ATRAID: variants seen among roughly 807,000 people sequenced by gnomAD.
ATRAID encodes the protein all-trans retinoic acid induced differentiation factor.
In ATRAID, 26 loss-of-function variants were observed where a neutral mutation model predicts 28.8. The observed-to-expected ratio is 0.90, with a 90% CI of 0.66 to 1.25. The LOEUF (loss-of-function observed/expected upper bound fraction) is 1.25. Ranked by LOEUF, ATRAID falls within the 50% of genes most tolerant of loss-of-function variation. ATRAID has a pLI of 0.00. For missense variants in ATRAID, 308 were observed against 285.9 expected (o/e 1.08, Z -0.56); for synonymous variants, 131 against 108.5 (o/e 1.21, Z -1.29).
At chr2:27,216,666 G>T (rs1477176317) in intron 6 of ATRAID, 46 bp downstream of exon 6, 13 of 1,548,510 alleles carry the variant, frequency 8.4e-6, no homozygotes, top group Non-Finnish European at 1.1e-5. Context: ...AATGCATAGA[G>T]CAAGTCTTCT....
Position 27,212,978 on chromosome 2 carries a change from T to A in ATRAID, c.100-199T>A, listed in dbSNP as rs914518525. On this transcript the variant is annotated intron_variant, in intron 1 of 6. Coordinates refer to ENST00000380171, the MANE Select transcript of ATRAID (RefSeq NM_001170795.4). ...GGTACTGAAAGTGTCGGGAGCTGATTCGGCGCAGGACTCTGGAGGAAGAGA... is the reference window on the plus strand; with the variant it reads ...GGTACTGAAAGTGTCGGGAGCTGATACGGCGCAGGACTCTGGAGGAAGAGA... 5 of 627,900 alleles carry A rather than the reference T, an allele frequency of 8.0e-6. No individual in the cohort carries two copies. The African/African-American group carries it at 9.2e-5, about 12-fold the overall frequency. 38.9% of individuals were successfully genotyped at this position (627,900 alleles called of 1,614,324 possible). A position where few individuals can be genotyped will look rare whatever the true frequency, so the allele number is the denominator to read the frequency against.
At chr2:27,213,388 A>C (rs1674689155) in intron 2 of ATRAID, 90 bp downstream of exon 2, 2 of 1,478,194 alleles carry the variant, frequency 1.4e-6, no homozygotes. Flanking sequence ...GAATCCACCT[A>C]TTATGGTTTC....
chr2:27,215,268 T>A, intron 2 of ATRAID, 53 bp from the exon 3 acceptor site: 1 of 1,567,322 alleles, frequency 6.4e-7, no homozygotes, highest in African/African-American at 1.4e-5. Context: ...AACTGTGCCG[T>A]GGCTGAAGAA....
At position 27,212,347 on chromosome 2, in the gene ATRAID, C is replaced by A; in HGVS notation, c.-22C>A. 6.5e-7 allele frequency: 1 copy of A among 1,549,982 alleles called. No individual in the cohort carries two copies. Among genetic ancestry groups the A allele is most frequent in the Non-Finnish European group, 8.7e-7 (1 of 1,146,596 alleles). On this transcript the variant is annotated 5_prime_UTR_variant, in exon 1 of 7. Transcript: ENST00000380171. ...CCGCGGGGCCGGGTCGCGCGAGCAGCGGAGCACCAAGGGAACGGAAAATGG... is the reference window on the plus strand; with the variant it reads ...CCGCGGGGCCGGGTCGCGCGAGCAGAGGAGCACCAAGGGAACGGAAAATGG...
intron 2 of ATRAID, among the ~76,000 whole-genome samples, chr2:27,213,818 T>C (rs904493361): frequency 6.6e-6 from 1 of 152,240 alleles, no homozygotes; most frequent in African/African-American, 2.4e-5. Flanking sequence ...CCACCTTTGT[T>C]CAGGCCTCTC....
intron 1 of ATRAID, 101 bp from the exon 2 acceptor site, chr2:27,213,076 A>G: frequency 6.9e-7 from 1 of 1,458,672 alleles, no homozygotes; most frequent in Non-Finnish European, 9.4e-7. Flanking sequence ...CCCGTGTTAG[A>G]GGAATTCTGG....
Position 27,215,729 on chromosome 2 carries a change from C to T in ATRAID, c.463C>T (p.Leu155Phe), listed in dbSNP as rs746665801. The change falls in exon 5 of 7, where the codon CTT (leucine) becomes TTT (phenylalanine). Residue 155 changes from leucine to phenylalanine, a missense_variant. Leu to Phe is a conservative substitution (Grantham distance 22). Transcript: ENST00000380171. ...CCAAATCTGTCAAGGGCAAAAGAAC[C>T]TTTGCAATAACACTGGGGACCCAGG... is the stretch of plus-strand genomic sequence containing the variant. ...DNQICQGQKNLCNNTGDPEMC... is the reference protein window; with the variant it reads ...DNQICQGQKNFCNNTGDPEMC... The T allele has an allele frequency of 1.2e-5, 19 of 1,614,186 alleles. No homozygotes were observed. The highest frequency in any genetic ancestry group is 1.6e-5 in the Non-Finnish European group (19 of 1,180,012).
chr2:27,216,455 CAG>C, intron 5 of ATRAID, 66 bp from the exon 6 acceptor site: 4 of 1,218,532 alleles, frequency 3.3e-6, no homozygotes, highest in Non-Finnish European at 3.6e-6. Flanking sequence ...TAAGTTGAAA[CAG>C]ATAATTGAGA....
Position 27,215,773 on chromosome 2 carries a change from A to T in ATRAID, c.487+20A>T. On this transcript the variant is annotated intron_variant, in intron 5 of 6. Coordinates refer to ENST00000380171, the MANE Select transcript of ATRAID (RefSeq NM_001170795.4). ...ACCCAGGTATGCTGTCTTACCTCCA[A>T]ACTTCTGGGAATTGTCTTTTCTCCC... 1 of 1,609,826 alleles carries T rather than the reference A, an allele frequency of 6.2e-7. No individual in the cohort carries two copies. The highest frequency in any genetic ancestry group is 8.5e-7 in the Non-Finnish European group (1 of 1,178,584).
Position 27,216,575 on chromosome 2 carries a change from G to T in ATRAID, c.540G>T (p.Gln180His). The T allele has an allele frequency of 2.5e-6, 4 of 1,614,144 alleles. No homozygotes were observed. Among genetic ancestry groups the T allele is most frequent in the Non-Finnish European group, 3.4e-6 (4 of 1,180,026 alleles). Reference sequence around the variant, plus strand: ...TACCTGATGGTCCAGGTCTTTTGCAGTGTGTTTGTGCTGATGGTTTCCATG... The same window carrying T: ...TACCTGATGGTCCAGGTCTTTTGCATTGTGTTTGTGCTGATGGTTTCCATG... ...SCVPDGPGLL[Q>H]CVCADGFHGY... is the part of the protein sequence containing the mutation. The change falls in exon 6 of 7, where the codon CAG becomes CAT. Residue 180 changes from glutamine to histidine, a missense_variant. Physicochemically the swap from Gln to His is conservative, Grantham distance 24. Coordinates refer to ENST00000380171, the MANE Select transcript of ATRAID (RefSeq NM_001170795.4).
In ATRAID at chr2:27,217,048, G is replaced by A; in HGVS notation, c.*100G>A. On this transcript the variant is annotated 3_prime_UTR_variant, in exon 7 of 7. Coordinates refer to ENST00000380171, the MANE Select transcript of ATRAID (RefSeq NM_001170795.4). ...AAAGGCATCTTTCGCCAGTGGATTC[G>A]CCTCAAGGTTGAGGCCGCCATTGGA... The A allele has an allele frequency of 5.6e-6, 6 of 1,075,236 alleles. No homozygotes were observed. The highest frequency in any genetic ancestry group is 7.9e-6 in the Non-Finnish European group (6 of 755,000). The allele number at this position is 1,075,236 out of a possible 1,614,324, so 66.6% of individuals were successfully genotyped here.
At chr2:27,212,891 A>G (rs1006824904) in intron 1 of ATRAID, 1 of 466,140 alleles carries the variant, frequency 2.1e-6, no homozygotes, top group African/African-American at 2.0e-5. Flanking sequence ...CTCTGCAGAA[A>G]GCATAATAAA....
chr2:27,216,838 T>G lies in ATRAID; in HGVS notation c.586-6T>G, dbSNP rs763553998. The G allele has an allele frequency of 1.2e-6, 2 of 1,612,578 alleles. No individual in the cohort carries two copies. The highest frequency in any genetic ancestry group is 1.7e-6 in the Non-Finnish European group (2 of 1,178,578). On this transcript the variant is annotated splice_polypyrimidine_tract_variant and splice_region_variant and intron_variant, in intron 6 of 6. Transcript: ENST00000380171. ...ATGGGGGTGTTTTTTGGTCTGTTGT[T>G]CACAGGGCTCGTTCTCACTGCTTAT... is the stretch of plus-strand genomic sequence containing the variant.
chr2:27,215,445 C>T (rs747787446), intron 3 of ATRAID, 29 bp from the exon 4 acceptor site: 11 of 1,614,040 alleles, frequency 6.8e-6, no homozygotes, highest in Non-Finnish European at 9.3e-6. Flanking sequence ...TAGGTTGATG[C>T]GAAAGTGCTA....
At chr2:27,213,962 T>C (rs1674726387) in intron 2 of ATRAID, among the ~76,000 whole-genome samples, 1 of 152,248 alleles carries the variant, frequency 6.6e-6, no homozygotes, top group African/African-American at 2.4e-5. Context: ...TTTATTTTTT[T>C]GAGACGGAGT....
At chr2:27,212,610 C>T (rs1572409008) in intron 1 of ATRAID, 143 bp downstream of exon 1, 1 of 1,432,212 alleles carries the variant, frequency 7.0e-7, no homozygotes, top group African/African-American at 1.5e-5. Flanking sequence ...CCAGCCAGGT[C>T]CTGTTCCCAA....
rs1674874046 is a variant in ATRAID, at chr2:27,216,972, C to G, written c.*24C>G. 2 of 1,568,938 alleles carry G rather than the reference C, an allele frequency of 1.3e-6. No individual in the cohort carries two copies. Among genetic ancestry groups the G allele is most frequent in the Middle Eastern group, 1.7e-4 (1 of 5,810 alleles). On this transcript the variant is annotated 3_prime_UTR_variant, in exon 7 of 7. Transcript: ENST00000380171. ...GAACTACATAGGTCTTACCATTGAC[C>G]TAAGATCAATCTGAACTATCTTAGC...
At chr2:27,214,242 A>C (rs1286655626) in intron 2 of ATRAID, among the ~76,000 whole-genome samples, 1 of 152,224 alleles carries the variant, frequency 6.6e-6, no homozygotes, top group Non-Finnish European at 1.5e-5. Context: ...CATATTTTTA[A>C]CATTCTCCCA....
intron 2 of ATRAID, among the ~76,000 whole-genome samples, chr2:27,214,767 G>A (rs1674759068): frequency 6.6e-6 from 1 of 152,216 alleles, no homozygotes; most frequent in Non-Finnish European, 1.5e-5. Context: ...CAGGAGAATT[G>A]CTTGAACCCG....
Sources: gnomAD v4.1 joint callset for allele counts (sites outside exome capture counted in the v4.1 genomes callset) on GRCh38, gnomAD v4.1.1 for gene constraint, MANE v1.5 for transcripts, NCBI Gene and HGNC (gene_info 2026-07-23, HGNC 2026-07-21) for gene names.